WAPL: variants seen among roughly 807,000 people sequenced by gnomAD.
WAPL encodes wings apart-like protein homolog.
WAPL carries 5 observed loss-of-function variants against 121.0 expected under a neutral mutation model. The ratio of observed to expected loss-of-function variants is 0.04; its 90% CI spans 0.02 to 0.09. The LOEUF (loss-of-function observed/expected upper bound fraction) is 0.09. WAPL is among the 10% of genes least tolerant of loss of function. The pLI, the probability that WAPL is intolerant of heterozygous loss-of-function variation, is 1.00. For missense variants in WAPL, 999 were observed against 1,410.8 expected, an observed-to-expected ratio of 0.71 and a Z score of 4.68; for synonymous variants, 480 against 481.5, an observed-to-expected ratio of 1.00 and a Z score of 0.04.
chr10:86,490,924 A>C lies in WAPL; in HGVS notation c.1644+6277T>G, dbSNP rs184612462. 5.9e-3 allele frequency among the ~76,000 whole-genome samples: 898 copies of C among 151,558 alleles called. 8 individuals are homozygous for C. Among genetic ancestry groups the C allele is most frequent in the African/African-American group, 0.02 (824 of 41,358 alleles). ...CTAAAAATACAAAAATTAGCTGGGC[A>C]TGGTGGTGCATGCCTGTAATCCCAG... On this transcript the variant is annotated intron_variant, in intron 4 of 18. Coordinates refer to ENST00000298767, the MANE Select transcript of WAPL (RefSeq NM_015045.5).
At chr10:86,493,233 C>T (rs1041149404) in intron 4 of WAPL, among the ~76,000 whole-genome samples, 1 of 152,000 alleles carries the variant, frequency 6.6e-6, no homozygotes, top group Non-Finnish European at 1.5e-5. Context: ...CAAAGAATTA[C>T]TAGGAATTGA....
intron 12 of WAPL, among the ~76,000 whole-genome samples, chr10:86,457,327 T>TAAA (rs10668599): frequency 0.34 from 37,413 of 110,920 alleles, 7,158 homozygotes; most frequent in South Asian, 0.62. Context: ...CTGTATCTAT[T>TAAA]AAAAAAAAAA....
intron 4 of WAPL, 107 bp from the exon 5 acceptor site, chr10:86,474,080 G>A: frequency 1.2e-6 from 1 of 841,342 alleles, no homozygotes. Flanking sequence ...GAAACAGCAG[G>A]ATGGATACTA....
Position 86,436,536 on chromosome 10 carries a change from C to G in WAPL, c.*1007G>C, listed in dbSNP as rs17331020. ...AGAATCTGAATGAAAAAAGGGTCTTCTCTAAACCAGCAATTTAAGGCTTTG... is the reference window on the plus strand; with the variant it reads ...AGAATCTGAATGAAAAAAGGGTCTTGTCTAAACCAGCAATTTAAGGCTTTG... On this transcript the variant is annotated 3_prime_UTR_variant, in exon 19 of 19. Coordinates refer to ENST00000298767, the MANE Select transcript of WAPL (RefSeq NM_015045.5). 8.2e-3 allele frequency: 1,258 copies of G among 152,778 alleles called. 6 individuals carry two copies. Among genetic ancestry groups the G allele is most frequent in the Middle Eastern group, 0.017 (5 of 294 alleles). The allele number at this position is 152,778 out of a possible 1,614,324, so 9.5% of individuals were successfully genotyped here. A position where few individuals can be genotyped will look rare whatever the true frequency, so the allele number is the denominator to read the frequency against.
intron 16 of WAPL, among the ~76,000 whole-genome samples, chr10:86,444,786 C>A (rs1266452276): frequency 6.1e-5 from 9 of 148,370 alleles, no homozygotes; most frequent in African/African-American, 2.2e-4. Context: ...TGAAAAACTA[C>A]TGAATTACTC....
chr10:86,503,754 A>T (rs2132224039), intron 2 of WAPL, among the ~76,000 whole-genome samples: 1 of 586 alleles, frequency 1.7e-3, no homozygotes, highest in African/African-American at 0.056. Context: ...CTCCATCTCA[A>T]AAAAAAAAAA....
Position 86,500,136 on chromosome 10 carries a change from A to G in WAPL, c.1107T>C (p.Cys369=). Residue 369 remains cysteine (C), a synonymous_variant, in exon 3 of 19, where the codon TGT becomes TGC. Coordinates refer to ENST00000298767, the MANE Select transcript of WAPL (RefSeq NM_015045.5). The part of the protein sequence containing the change: ...TVLHPSCLSV[C]NVTIQDTMER... Reference sequence around the variant, plus strand: ...CCATAGTATCCTGTATGGTAACATTACAAACTGACAAGCAAGATGGATGTA... The same window carrying G: ...CCATAGTATCCTGTATGGTAACATTGCAAACTGACAAGCAAGATGGATGTA... 1.2e-6 allele frequency: 2 copies of G among 1,614,196 alleles called. No individual in the cohort carries two copies. Among genetic ancestry groups the G allele is most frequent in the Non-Finnish European group, 1.7e-6 (2 of 1,180,036 alleles).
intron 9 of WAPL, among the ~76,000 whole-genome samples, chr10:86,464,859 A>AC (rs558401693): frequency 5.2e-4 from 79 of 152,306 alleles, no homozygotes; most frequent in Non-Finnish European, 1.8e-4. Context: ...AAACAAACAA[A>AC]AAAAAGTTTT....
At chr10:86,495,053 C>T (rs1842123952) in intron 4 of WAPL, among the ~76,000 whole-genome samples, 1 of 152,154 alleles carries the variant, frequency 6.6e-6, no homozygotes, top group Non-Finnish European at 1.5e-5. Flanking sequence ...ATTGAACACA[C>T]TCATTCTTTA....
chr10:86,441,835 C>T (rs1012310479), intron 17 of WAPL, among the ~76,000 whole-genome samples: 4 of 152,026 alleles, frequency 2.6e-5, no homozygotes, highest in Non-Finnish European at 5.9e-5. Flanking sequence ...AACCCTGTCT[C>T]TACAAAAAAA....
intron 2 of WAPL, among the ~76,000 whole-genome samples, chr10:86,513,307 G>A (rs555628735): frequency 2.0e-5 from 3 of 152,062 alleles, no homozygotes; most frequent in South Asian, 2.1e-4. Flanking sequence ...CTCATCCTAA[G>A]TTTCCTCTTC....
intron 2 of WAPL, among the ~76,000 whole-genome samples, chr10:86,510,958 C>G (rs1014001614): frequency 7.3e-5 from 11 of 151,532 alleles, no homozygotes; most frequent in African/African-American, 2.7e-4. Flanking sequence ...TCCCAAGTAG[C>G]TGGAACTACG....
intron 2 of WAPL, among the ~76,000 whole-genome samples, chr10:86,516,813 C>T (rs574986423): frequency 8.6e-4 from 131 of 152,034 alleles, no homozygotes; most frequent in Non-Finnish European, 1.6e-3. Context: ...CAGCCGGGCA[C>T]GGTGGCTCAT....
At chr10:86,499,597 T>G in intron 3 of WAPL, 121 bp downstream of exon 3, 3 of 945,270 alleles carry the variant, frequency 3.2e-6, no homozygotes, top group Non-Finnish European at 4.6e-6. Flanking sequence ...CTTTATCTTA[T>G]TATACTGTAC....
intron 1 of WAPL, among the ~76,000 whole-genome samples, chr10:86,519,996 A>G (rs953415485): frequency 6.6e-6 from 1 of 152,248 alleles, no homozygotes; most frequent in Non-Finnish European, 1.5e-5. Context: ...TTTATGTGAT[A>G]AAAAATAATT....
At chr10:86,440,763 C>T (rs1299142302) in intron 17 of WAPL, among the ~76,000 whole-genome samples, 2 of 151,450 alleles carry the variant, frequency 1.3e-5, no homozygotes, top group African/African-American at 2.4e-5. Flanking sequence ...CTGAAATCGG[C>T]GGTACCCAGA....
chr10:86,509,397 C>A (rs184605749), intron 2 of WAPL, among the ~76,000 whole-genome samples: 1 of 152,300 alleles, frequency 6.6e-6, no homozygotes, highest in Admixed American at 6.5e-5. Context: ...CCACTTCTAT[C>A]CTTTCTCAGT....
intron 2 of WAPL, among the ~76,000 whole-genome samples, chr10:86,513,730 C>T (rs562175828): frequency 6.6e-6 from 1 of 152,226 alleles, no homozygotes; most frequent in Admixed American, 6.5e-5. Context: ...AACGTAATGC[C>T]AGGACAAATG....
rs202178839 is a variant in WAPL, at chr10:86,508,514, A to AC, written c.500-7772dup. Among the ~76,000 whole-genome samples the AC allele has an allele frequency of 6.5e-3, 988 of 151,820 alleles. 35 individuals are homozygous for AC. Among genetic ancestry groups the AC allele is most frequent in the Admixed American group, 0.055 (838 of 15,216 alleles). On this transcript the variant is annotated intron_variant, in intron 2 of 18. Transcript: ENST00000298767. Reference sequence around the variant, plus strand: ...CTTTAACAAGTTGTAAACACTTGTTACCCCCCATTTCCTCACCCCTTGGAT... The same window carrying AC: ...CTTTAACAAGTTGTAAACACTTGTTACCCCCCCATTTCCTCACCCCTTGGAT...
Sources: gnomAD v4.1 joint callset for allele counts (sites outside exome capture counted in the v4.1 genomes callset) on GRCh38, gnomAD v4.1.1 for gene constraint, MANE v1.5 for transcripts, NCBI Gene and HGNC (gene_info 2026-07-23, HGNC 2026-07-21) for gene names.